Variants in PHC2 observed in about 807,000 individuals in gnomAD.
PHC2 encodes polyhomeotic-like protein 2.
Under a neutral mutation model 87.4 loss-of-function variants are expected in PHC2, and 29 were observed. The ratio of observed to expected loss-of-function variants is 0.33; its 90% CI spans 0.25 to 0.45. The LOEUF (loss-of-function observed/expected upper bound fraction) is 0.45. Ranked by LOEUF, PHC2 falls within the 20% of genes least tolerant of loss-of-function variation. PHC2 has a pLI of 1.00. For missense variants in PHC2, 857 were observed against 1,136.7 expected, an observed-to-expected ratio of 0.75 and a Z score of 3.54; for synonymous variants, 438 against 461.7, an observed-to-expected ratio of 0.95 and a Z score of 0.66.
chr1:33,427,627 C>T (rs542436857), intron 1 of PHC2, among the ~76,000 whole-genome samples: 131 of 152,282 alleles, frequency 8.6e-4, no homozygotes, highest in Non-Finnish European at 1.3e-3. Flanking sequence ...TACCAATGAC[C>T]TTCTGTTTAC....
Position 33,330,093 on chromosome 1 carries a change from A to G in PHC2, c.2126T>C (p.Leu709Pro), listed in dbSNP as rs756454461. 1.9e-6 allele frequency: 3 copies of G among 1,614,020 alleles called. No homozygotes were observed. The highest frequency in any genetic ancestry group is 2.5e-6 in the Non-Finnish European group (3 of 1,179,982). The change falls in exon 13 of 15, where the codon CTT becomes CCT. Residue 709 changes from leucine (L) to proline (P), a missense_variant. Physicochemically the swap from Leu to Pro is moderately conservative, Grantham distance 98 (BLOSUM62 -3). Around this residue, in one of 3 missense-constraint regions of PHC2, gnomAD observed 832 missense variants for 1,081.8 expected, o/e 0.77. Coordinates refer to ENST00000683057, the MANE Select transcript of PHC2 (RefSeq NM_001385109.1). ...RRASKASLPP[L>P]TKDTKKQPTG... The stretch of plus-strand genomic sequence containing the variant: ...TACCTGCTTCTTGGTATCCTTGGTA[A>G]GTGGTGGCAGACTGGCTTTGCTGGC...
Position 33,367,360 on chromosome 1 carries a change from C to T in PHC2, c.732G>A (p.Gln244=), listed in dbSNP as rs1427105650. Residue 244 remains glutamine, a synonymous_variant, in exon 7 of 15, where the codon CAG becomes CAA. Coordinates refer to ENST00000683057, the MANE Select transcript of PHC2 (RefSeq NM_001385109.1). ...TCAGGGCCAAGCTGGGCAGGACAGGCTGAGTGGGGGTGGGGCCCGAGGCTG... is the reference window on the plus strand; with the variant it reads ...TCAGGGCCAAGCTGGGCAGGACAGGTTGAGTGGGGGTGGGGCCCGAGGCTG... ...AAAASGPTPT[Q]PVLPSLALKP... is the part of the protein sequence containing the mutation. The T allele has an allele frequency of 6.2e-7, 1 of 1,609,906 alleles. No individual in the cohort carries two copies. Among genetic ancestry groups the T allele is most frequent in the South Asian group, 1.1e-5 (1 of 90,724 alleles).
chr1:33,371,018 G>A lies in PHC2; in HGVS notation c.410C>T (p.Ser137Leu), dbSNP rs747306048. Residue 137 changes from serine (S) to leucine (L), a missense_variant and splice_region_variant, in exon 4 of 15, where the codon TCG becomes TTG. This residue lies in a region of PHC2 where 832 missense variants were observed against 1,081.8 expected (regional missense o/e 0.77). Coordinates refer to ENST00000683057, the MANE Select transcript of PHC2 (RefSeq NM_001385109.1). ...CTGCTGCTCCCCCATTCTACTCACC[G>A]AAGATGACTGGGCCGGGGCCTGCGC... ...VSAQAPAQSS[S>L]INLAASPAAA... is the part of the protein sequence containing the mutation. 6.2e-6 allele frequency: 10 copies of A among 1,613,380 alleles called. No homozygotes were observed. Among genetic ancestry groups the A allele is most frequent in the Middle Eastern group, 1.7e-4 (1 of 6,044 alleles).
intron 1 of PHC2, among the ~76,000 whole-genome samples, chr1:33,396,663 G>A (rs559319960): frequency 8.1e-4 from 124 of 152,338 alleles, no homozygotes; most frequent in South Asian, 1.9e-3. Context: ...GCCTTCCTCT[G>A]ACACAATCTA....
At chr1:33,373,428 A>G (rs1207495386) in intron 2 of PHC2, among the ~76,000 whole-genome samples, 1 of 151,536 alleles carries the variant, frequency 6.6e-6, no homozygotes, top group Non-Finnish European at 1.5e-5. Flanking sequence ...GCCCCCTTTA[A>G]TTCTTTCCCT....
chr1:33,383,488 G>A (rs1188635597), intron 1 of PHC2, among the ~76,000 whole-genome samples: 1 of 152,200 alleles, frequency 6.6e-6, no homozygotes, highest in Non-Finnish European at 1.5e-5. Context: ...AAACCTTACT[G>A]TTTTCTTCCT....
intron 7 of PHC2, among the ~76,000 whole-genome samples, chr1:33,356,279 A>ATATATATATATATATATATATATATATG (rs1557831097): frequency 7.7e-6 from 1 of 129,230 alleles, no homozygotes; most frequent in African/African-American, 3.4e-5. Context: ...ATATATATGT[A>ATATATATATATATATATATATATATATG]TATATATATA....
chr1:33,357,366 G>A (rs1647110264), intron 7 of PHC2, among the ~76,000 whole-genome samples: 1 of 152,162 alleles, frequency 6.6e-6, no homozygotes, highest in African/African-American at 2.4e-5. Context: ...AGTTTTGAAT[G>A]GTCTCATCCC....
At chr1:33,422,755 T>G (rs1291408917) in intron 1 of PHC2, among the ~76,000 whole-genome samples, 1 of 152,126 alleles carries the variant, frequency 6.6e-6, no homozygotes, top group Non-Finnish European at 1.5e-5. Context: ...TCATTTTCTC[T>G]CTCTCTTACT....
intron 1 of PHC2, among the ~76,000 whole-genome samples, chr1:33,378,361 G>A (rs1648290573): frequency 6.6e-6 from 1 of 152,180 alleles, no homozygotes; most frequent in South Asian, 2.1e-4. Context: ...CAACAAATCA[G>A]TAAATGATAG....
intron 14 of PHC2, among the ~76,000 whole-genome samples, chr1:33,327,740 C>T (rs1370189817): frequency 1.3e-5 from 2 of 152,164 alleles, no homozygotes; most frequent in East Asian, 3.8e-4. Context: ...CTGGAGAGGC[C>T]CATATAGACA....
intron 1 of PHC2, among the ~76,000 whole-genome samples, chr1:33,418,884 G>C (rs1371113212): frequency 6.6e-6 from 1 of 152,214 alleles, no homozygotes; most frequent in Non-Finnish European, 1.5e-5. Flanking sequence ...AGATTGAAAA[G>C]ACTTTAGACA....
At chr1:33,361,856 C>A (rs1647201566) in intron 7 of PHC2, among the ~76,000 whole-genome samples, 1 of 152,204 alleles carries the variant, frequency 6.6e-6, no homozygotes, top group South Asian at 2.1e-4. Flanking sequence ...TGAGGGAGGG[C>A]TTTCTCTGTG....
At position 33,406,393 on chromosome 1, in the gene PHC2, T is replaced by C. The variant is rs182166184; in HGVS notation, c.-55+24583A>G. On this transcript the variant is annotated intron_variant, in intron 1 of 14. Transcript: ENST00000683057. ...CATCAGGATTTCTCCAATCGTGATA[T>C]TGGGGCCACGTAATTCCTTGTGTGT... Among the ~76,000 whole-genome samples the C allele has an allele frequency of 1.4e-3, 218 of 152,324 alleles. 1 individual carries two copies. Among genetic ancestry groups the C allele is most frequent in the African/African-American group, 4.8e-3 (200 of 41,578 alleles).
intron 1 of PHC2, among the ~76,000 whole-genome samples, chr1:33,416,411 CA>C (rs58443586): frequency 0.12 from 14,619 of 125,078 alleles, 933 homozygotes; most frequent in East Asian, 0.3. Flanking sequence ...ACTAAAAATA[CA>C]AAAAAAAAAA....
chr1:33,370,294 C>G, intron 5 of PHC2, 127 bp downstream of exon 5: 1 of 859,934 alleles, frequency 1.2e-6, no homozygotes, highest in South Asian at 1.8e-5. Flanking sequence ...CTTCTTTATC[C>G]CACCCCTTAT....
In PHC2 at chr1:33,381,774, T is replaced by G. The variant is rs1648505552; in HGVS notation, c.-54-6181A>C. Among the ~76,000 whole-genome samples the G allele has an allele frequency of 4.0e-5, 6 of 151,708 alleles. No homozygotes were observed. In the South Asian group the frequency reaches 1.3e-3, roughly 32 times the overall value. On this transcript the variant is annotated intron_variant, in intron 1 of 14. Transcript: ENST00000683057. ...TGAATTTAATTCCCTAATTGTTAATTAATGTCCATTTATACTTACAAAATA... is the reference window on the plus strand; with the variant it reads ...TGAATTTAATTCCCTAATTGTTAATGAATGTCCATTTATACTTACAAAATA...
chr1:33,377,062 C>T lies in PHC2; in HGVS notation c.-54-1469G>A, dbSNP rs542253361. On this transcript the variant is annotated intron_variant, in intron 1 of 14. Transcript: ENST00000683057. Reference sequence around the variant, plus strand: ...AACGCTTAGCAGGGTACCATACTGACCAATCTGGTTAAAATCTCAGGTTGT... The same window carrying T: ...AACGCTTAGCAGGGTACCATACTGATCAATCTGGTTAAAATCTCAGGTTGT... 1.2e-3 allele frequency among the ~76,000 whole-genome samples: 188 copies of T among 152,346 alleles called. 1 individual carries two copies. Among genetic ancestry groups the T allele is most frequent in the Non-Finnish European group, 2.3e-3 (156 of 68,038 alleles).
In PHC2 at chr1:33,324,823, G is replaced by A. The variant is rs190291963; in HGVS notation, c.*42C>T. The A allele has an allele frequency of 2.6e-3, 4,171 of 1,584,210 alleles. 11 individuals carry two copies. Among genetic ancestry groups the A allele is most frequent in the Non-Finnish European group, 3.3e-3 (3,851 of 1,162,490 alleles). On this transcript the variant is annotated 3_prime_UTR_variant, in exon 15 of 15. Transcript: ENST00000683057. ...AATGTCTGTCTGGCTCTGCTCAGTC[G>A]GGAGGAGGCGCCCTGGGCCAGAATC...
Sources: gnomAD v4.1 joint callset for allele counts (sites outside exome capture counted in the v4.1 genomes callset) on GRCh38, gnomAD v4.1.1 for gene constraint, gnomAD v4.1.1 regional missense constraint, MANE v1.5 for transcripts, NCBI Gene and HGNC (gene_info 2026-07-23, HGNC 2026-07-21) for gene names.